Variants in XKR9 observed in about 807,000 individuals in gnomAD.
XKR9 encodes XK-related protein 9.
In XKR9, 32 loss-of-function variants were observed where a neutral mutation model predicts 32.0. The observed-to-expected ratio is 1.00, with a 90% confidence interval of 0.76 to 1.34. XKR9 has a LOEUF of 1.34. Among genes scored for constraint, XKR9 ranks in the 40% most tolerant of loss-of-function variants. The pLI, the probability that XKR9 is intolerant of heterozygous loss-of-function variation, is 0.00. For missense variants in XKR9, 546 were observed against 429.7 expected (o/e 1.27, Z -2.39); for synonymous variants, 168 against 143.4 (o/e 1.17, Z -1.22).
chr8:70,899,430 GT>G, the XKR9 span, among the ~76,000 whole-genome samples: 3,166 of 135,346 alleles, frequency 0.023, 100 homozygotes, highest in African/African-American at 0.074. Context: ...CAGGAAGACA[GT>G]TTTTTTTTTT....
the XKR9 span, among the ~76,000 whole-genome samples, chr8:70,898,802 CAAT>C: frequency 1.3e-5 from 2 of 151,972 alleles, no homozygotes; most frequent in African/African-American, 4.8e-5. Flanking sequence ...ATATAGAACT[CAAT>C]AGTTCTTTTC....
chr8:70,866,391 T>G, the XKR9 span, among the ~76,000 whole-genome samples: 1 of 152,110 alleles, frequency 6.6e-6, no homozygotes, highest in Non-Finnish European at 1.5e-5. Context: ...CATATGGGGA[T>G]AGGGAAAGGA....
intron 2 of XKR9, among the ~76,000 whole-genome samples, chr8:70,677,211 T>C (rs562652327): frequency 4.1e-5 from 6 of 145,576 alleles, no homozygotes; most frequent in African/African-American, 1.2e-4. Context: ...AGCGATGCCA[T>C]ATCAGTTCAC....
At chr8:70,751,996 C>G (rs575440799) in intron 2 of XKR9, among the ~76,000 whole-genome samples, 1 of 152,096 alleles carries the variant, frequency 6.6e-6, no homozygotes, top group Admixed American at 6.5e-5. Context: ...TGTGGAGAAC[C>G]CTGACTAATA....
chr8:70,700,320 C>T (rs1472019073), intron 3 of XKR9, among the ~76,000 whole-genome samples: 1 of 152,088 alleles, frequency 6.6e-6, no homozygotes, highest in Non-Finnish European at 1.5e-5. Flanking sequence ...GTTTTATCTA[C>T]TTTTGGTCTT....
At chr8:70,970,912 T>C in the XKR9 span, among the ~76,000 whole-genome samples, 1 of 152,248 alleles carries the variant, frequency 6.6e-6, no homozygotes. Flanking sequence ...CTTAAAGATC[T>C]AGAACTAGAA....
the XKR9 span, among the ~76,000 whole-genome samples, chr8:70,806,697 G>T: frequency 6.6e-6 from 1 of 152,054 alleles, no homozygotes; most frequent in South Asian, 2.1e-4. Context: ...CTGAAATAAG[G>T]CATGCAGACA....
chr8:71,045,987 G>A, the XKR9 span, among the ~76,000 whole-genome samples: 9 of 152,124 alleles, frequency 5.9e-5, no homozygotes, highest in South Asian at 1.2e-3. Flanking sequence ...CAATAGATGA[G>A]AAATTGACCT....
chr8:71,042,487 G>C, the XKR9 span, among the ~76,000 whole-genome samples: 3 of 152,092 alleles, frequency 2.0e-5, no homozygotes, highest in Non-Finnish European at 4.4e-5. Flanking sequence ...GTAAGATTAG[G>C]ATAGTAACAG....
At chr8:70,716,277 AGT>A (rs1164505697) in intron 4 of XKR9, among the ~76,000 whole-genome samples, 2 of 152,220 alleles carry the variant, frequency 1.3e-5, no homozygotes. Context: ...GGAAATATAG[AGT>A]GTTTTTTTGA....
intron 2 of XKR9, among the ~76,000 whole-genome samples, chr8:70,779,274 A>T (rs1046887010): frequency 3.3e-5 from 5 of 152,054 alleles, no homozygotes; most frequent in African/African-American, 7.3e-5. Flanking sequence ...TGTATGTTGA[A>T]CCAGCCTTGC....
intron 3 of XKR9, among the ~76,000 whole-genome samples, chr8:70,685,837 A>G (rs577177311): frequency 1.3e-4 from 20 of 151,878 alleles, no homozygotes; most frequent in Middle Eastern, 6.8e-3. Flanking sequence ...ATACATATGT[A>G]ACTAACCTGC....
At chr8:70,975,091 A>AT in the XKR9 span, among the ~76,000 whole-genome samples, 5 of 151,562 alleles carry the variant, frequency 3.3e-5, no homozygotes, top group African/African-American at 1.2e-4. Flanking sequence ...GGGTTGATTG[A>AT]TTTTTTTTCT....
chr8:70,756,834 T>C (rs1807233146), intron 2 of XKR9, among the ~76,000 whole-genome samples: 1 of 152,130 alleles, frequency 6.6e-6, no homozygotes, highest in Non-Finnish European at 1.5e-5. Flanking sequence ...GGATACCTTT[T>C]ATTTCTTTTC....
At chr8:70,874,370 A>G in the XKR9 span, among the ~76,000 whole-genome samples, 1 of 152,316 alleles carries the variant, frequency 6.6e-6, no homozygotes, top group East Asian at 1.9e-4. Flanking sequence ...TGTATGATAG[A>G]TCCCTATGAA....
the XKR9 span, among the ~76,000 whole-genome samples, chr8:70,982,725 T>G: frequency 6.6e-6 from 1 of 152,192 alleles, no homozygotes. Flanking sequence ...TTTCCTGGTA[T>G]GTTCCTGCCG....
the XKR9 span, among the ~76,000 whole-genome samples, chr8:70,878,568 A>C: frequency 1.3e-5 from 2 of 152,246 alleles, no homozygotes; most frequent in African/African-American, 2.4e-5. Flanking sequence ...AGACCACTAC[A>C]TAATGGTAAA....
chr8:70,960,551 G>C, the XKR9 span, among the ~76,000 whole-genome samples: 3 of 152,032 alleles, frequency 2.0e-5, no homozygotes, highest in Non-Finnish European at 4.4e-5. Flanking sequence ...CCCCACTGCA[G>C]TTGCTGATAA....
chr8:71,019,245 G>A, the XKR9 span, among the ~76,000 whole-genome samples: 2 of 152,152 alleles, frequency 1.3e-5, no homozygotes, highest in Non-Finnish European at 2.9e-5. Flanking sequence ...CTTGAGGTCT[G>A]TAGAATTTTA....
Sources: allele counts gnomAD v4.1 joint callset (sites outside exome capture counted in the v4.1 genomes callset), GRCh38; gene constraint gnomAD v4.1.1; transcripts MANE v1.5; gene names NCBI Gene and HGNC (gene_info 2026-07-23, HGNC 2026-07-21).